WDR36: variants seen among roughly 807,000 people sequenced by gnomAD.
The protein encoded by WDR36 is WD repeat-containing protein 36.
In WDR36, 63 loss-of-function variants were observed where a neutral mutation model predicts 112.7. That is an observed-to-expected ratio of 0.56 (90% CI 0.46 to 0.69). WDR36 has a LOEUF of 0.69. Among genes scored for constraint, WDR36 ranks in the 30% least tolerant of loss-of-function variants. The pLI is 0.00. For missense variants in WDR36, 1,226 were observed against 1,070.3 expected (o/e 1.15, Z -2.03); for synonymous variants, 410 against 362.2 (o/e 1.13, Z -1.50).
In WDR36 at chr5:111,111,214, T is replaced by G; in HGVS notation, c.1652T>G (p.Leu551Arg). The G allele has an allele frequency of 6.2e-7, 1 of 1,611,940 alleles. No individual in the cohort carries two copies. The change falls in exon 15 of 23, where the codon CTG becomes CGG. Residue 551 changes from leucine to arginine, a missense_variant. Leu to Arg is a moderately radical substitution (Grantham distance 102, BLOSUM62 -2). Transcript: ENST00000513710. ...LALDDFSISV[L>R]DIETRKIVRE... ...TTGGATGACTTCTCCATTAGTGTTC[T>G]GGACATAGAAACTAGGAAGATTGTC...
At position 111,127,017 on chromosome 5, in the gene WDR36, A is replaced by C. The variant is rs1306613722; in HGVS notation, c.*134A>C. ...GACTAGTCAGTATATCTCCACTTTA[A>C]ATGCTAAATACTTTCTTGAAATAAA... On this transcript the variant is annotated 3_prime_UTR_variant, in exon 23 of 23. Transcript: ENST00000513710. The C allele has an allele frequency of 1.2e-6, 1 of 829,094 alleles. No homozygotes were observed. Among genetic ancestry groups the C allele is most frequent in the Non-Finnish European group, 1.8e-6 (1 of 549,752 alleles). The allele number at this position is 829,094 out of a possible 1,614,324, so 51.4% of individuals were successfully genotyped here. A position where few individuals can be genotyped will look rare whatever the true frequency, so the allele number is the denominator to read the frequency against.
At position 111,127,516 on chromosome 5, in the gene WDR36, T is replaced by A. The variant is rs1753698157; in HGVS notation, c.*633T>A. The A allele has an allele frequency of 4.8e-6, 1 of 209,326 alleles. No individual in the cohort carries two copies. Among genetic ancestry groups the A allele is most frequent in the East Asian group, 7.2e-5 (1 of 13,950 alleles). The allele number at this position is 209,326 out of a possible 1,614,324, so 13.0% of individuals were successfully genotyped here. A position where few individuals can be genotyped will look rare whatever the true frequency, so the allele number is the denominator to read the frequency against. ...AGAGTTGGAGGATAAACTAATCATC[T>A]TCTAGCACAGCCCTGTTGTGTTGCA... On this transcript the variant is annotated 3_prime_UTR_variant, in exon 23 of 23. Transcript: ENST00000513710.
intron 15 of WDR36, among the ~76,000 whole-genome samples, chr5:111,112,009 T>C (rs2112579730): frequency 1.3e-5 from 2 of 151,990 alleles, no homozygotes; most frequent in East Asian, 3.9e-4. Flanking sequence ...AATCAGAATT[T>C]ACTCCTTTCC....
rs1375830138 is a variant in WDR36, at chr5:111,110,963, T to C, written c.1607+10T>C. Reference sequence around the variant, plus strand: ...TGCTACATAGGGACAGGTAAACTTTTAATGATAATGGATTTTCTCTTTGAT... The same window carrying C: ...TGCTACATAGGGACAGGTAAACTTTCAATGATAATGGATTTTCTCTTTGAT... On this transcript the variant is annotated intron_variant, in intron 14 of 22. Transcript: ENST00000513710. The C allele has an allele frequency of 2.5e-6, 4 of 1,610,562 alleles. No homozygotes were observed. Among genetic ancestry groups the C allele is most frequent in the Non-Finnish European group, 3.4e-6 (4 of 1,177,816 alleles).
rs1208639592 is a variant in WDR36, at chr5:111,128,805, C to G, written c.*1922C>G. ...TATCTATATTTTCCTTAAAATATAT[C>G]AATCTGTGCACACTCTTTCAGTTTT... is the stretch of plus-strand genomic sequence containing the variant. On this transcript the variant is annotated 3_prime_UTR_variant, in exon 23 of 23. Coordinates refer to ENST00000513710, the MANE Select transcript of WDR36 (RefSeq NM_139281.3). 1.1e-5 allele frequency: 2 copies of G among 182,950 alleles called. No individual in the cohort carries two copies. Among genetic ancestry groups the G allele is most frequent in the African/African-American group, 4.7e-5 (2 of 42,386 alleles). The allele number at this position is 182,950 out of a possible 1,614,324, so 11.3% of individuals were successfully genotyped here. A position where few individuals can be genotyped will look rare whatever the true frequency, so the allele number is the denominator to read the frequency against.
chr5:111,126,917 T>G lies in WDR36; in HGVS notation c.*34T>G, dbSNP rs540767551. 4 of 1,541,858 alleles carry G rather than the reference T, an allele frequency of 2.6e-6. No homozygotes were observed. The highest frequency in any genetic ancestry group is 3.9e-5 in the Admixed American group (2 of 50,812). On this transcript the variant is annotated 3_prime_UTR_variant, in exon 23 of 23. Transcript: ENST00000513710. ...TTGTGACTAAACAAAGACTTTCATA[T>G]TAAATGGGTTCAATTGAACTCATTT...
chr5:111,104,659 A>G (rs1432370124), intron 8 of WDR36, 38 bp from the exon 9 acceptor site: 1 of 1,610,398 alleles, frequency 6.2e-7, no homozygotes, highest in Non-Finnish European at 8.5e-7. Context: ...GATCAGATGG[A>G]ACATTGTAGA....
Position 111,104,431 on chromosome 5 carries a change from A to G in WDR36, c.906+79A>G, listed in dbSNP as rs980345806. 9 of 1,574,630 alleles carry G rather than the reference A, an allele frequency of 5.7e-6. No homozygotes were observed. The East Asian group carries it at 6.7e-5, about 12-fold the overall frequency. On this transcript the variant is annotated intron_variant, in intron 8 of 22. Transcript: ENST00000513710. Reference sequence around the variant, plus strand: ...TATTACAAGCTTGTTTTAATGTATCAGCTTTCAACCTAGAAGATGAAAGGA... The same window carrying G: ...TATTACAAGCTTGTTTTAATGTATCGGCTTTCAACCTAGAAGATGAAAGGA...
chr5:111,097,172 A>T lies in WDR36; in HGVS notation c.284A>T (p.Asn95Ile). 6.2e-7 allele frequency: 1 copy of T among 1,612,766 alleles called. No individual in the cohort carries two copies. Reference protein sequence around the residue: ...YGNVFSAFARNKEIVHTFKGH... With the variant: ...YGNVFSAFARIKEIVHTFKGH... Reference sequence around the variant, plus strand: ...AATGTTTTCTCTGCATTTGCCCGTAATAAAGAGGTTGGTATCGCTAAACTA... The same window carrying T: ...AATGTTTTCTCTGCATTTGCCCGTATTAAAGAGGTTGGTATCGCTAAACTA... Residue 95 changes from asparagine to isoleucine, a missense_variant, in exon 3 of 23, where the codon AAT (asparagine) becomes ATT (isoleucine). Coordinates refer to ENST00000513710, the MANE Select transcript of WDR36 (RefSeq NM_139281.3).
intron 18 of WDR36, 43 bp from the exon 19 acceptor site, chr5:111,120,953 A>G: frequency 3.2e-6 from 5 of 1,540,422 alleles, no homozygotes; most frequent in South Asian, 1.1e-5. Flanking sequence ...AGTTGCTTTT[A>G]TATGATAAAA....
chr5:111,120,698 T>C (rs1753546522), intron 18 of WDR36, 105 bp downstream of exon 18: 1 of 955,456 alleles, frequency 1.0e-6, no homozygotes, highest in Non-Finnish European at 1.7e-6. Flanking sequence ...TCAAAGTGTT[T>C]TTTAACTGAT....
In WDR36 at chr5:111,126,684, G is replaced by A. The variant is rs182176262; in HGVS notation, c.2539-50G>A. The stretch of plus-strand genomic sequence containing the variant: ...GGTAGAAAAATTGAATCCAGATTAG[G>A]TAAAATTTTAATTTTCTTAAATGTT... On this transcript the variant is annotated intron_variant, in intron 22 of 22. Transcript: ENST00000513710. 4.8e-4 allele frequency: 768 copies of A among 1,593,874 alleles called. 3 individuals are homozygous for A. In the African/African-American group the frequency reaches 8.9e-3, roughly 19 times the overall value.
Position 111,129,777 on chromosome 5 carries a change from A to G in WDR36, c.*2894A>G. 5.0e-6 allele frequency: 1 copy of G among 201,926 alleles called. No individual in the cohort carries two copies. Among genetic ancestry groups the G allele is most frequent in the Non-Finnish European group, 1.0e-5 (1 of 98,228 alleles). The allele number at this position is 201,926 out of a possible 1,614,324, so 12.5% of individuals were successfully genotyped here. A position where few individuals can be genotyped will look rare whatever the true frequency, so the allele number is the denominator to read the frequency against. On this transcript the variant is annotated 3_prime_UTR_variant, in exon 23 of 23. Transcript: ENST00000513710. ...TTATTTTCTAAGACATTTACAGTGT[A>G]TGTTTTCCTATGTTTACATGTGCTC...
In WDR36 at chr5:111,098,792, C is replaced by T; in HGVS notation, c.362C>T (p.Ser121Phe). The part of the protein sequence containing the change: ...FLQPFGDHII[S>F]VDTDGILIIW... Reference sequence around the variant, plus strand: ...CAACCCTTTGGAGACCACATTATCTCTGTTGATACTGATGGCATTCTTATT... The same window carrying T: ...CAACCCTTTGGAGACCACATTATCTTTGTTGATACTGATGGCATTCTTATT... Residue 121 changes from serine to phenylalanine, a missense_variant, in exon 4 of 23, where the codon TCT becomes TTT. By Grantham distance (155) the Ser-to-Phe change is radical. Transcript: ENST00000513710. The T allele has an allele frequency of 6.2e-7, 1 of 1,612,718 alleles. No homozygotes were observed. Among genetic ancestry groups the T allele is most frequent in the Non-Finnish European group, 8.5e-7 (1 of 1,178,930 alleles).
At position 111,126,811 on chromosome 5, in the gene WDR36, CTG is replaced by C; in HGVS notation, c.2617_2618del (p.Trp873AspfsTer28). 1.9e-6 allele frequency: 3 copies of C among 1,613,716 alleles called. No individual in the cohort carries two copies. The highest frequency in any genetic ancestry group is 2.5e-6 in the Non-Finnish European group (3 of 1,179,806). Reference sequence around the variant, plus strand: ...ATTTGTCATCCCAGGTGGAAGAAAACTGGACCCATTTGCAATCACTCTTCAAT... The same window carrying C: ...ATTTGTCATCCCAGGTGGAAGAAAACGACCCATTTGCAATCACTCTTCAAT... ...TNLSSQVEENWTHLQSLFNQS... is the reference protein window; with the variant it reads ...TNLSSQVEENXTHLQSLFNQS... On this transcript the variant is annotated frameshift_variant, in exon 23 of 23. Transcript: ENST00000513710. LOFTEE classifies it high-confidence loss of function.
At chr5:111,093,131 C>G (rs989977776) in intron 1 of WDR36, among the ~76,000 whole-genome samples, 10 of 152,350 alleles carry the variant, frequency 6.6e-5, no homozygotes, top group African/African-American at 2.4e-4. Flanking sequence ...CACTGTCACT[C>G]TAAGCCTTGC....
intron 17 of WDR36, 132 bp downstream of exon 17, chr5:111,119,252 T>G (rs1196190644): frequency 5.3e-6 from 4 of 759,152 alleles, no homozygotes; most frequent in Non-Finnish European, 9.5e-6. Context: ...ACACAGATAC[T>G]TAATTCACTG....
intron 12 of WDR36, 106 bp downstream of exon 12, chr5:111,107,545 T>A: frequency 6.8e-7 from 1 of 1,461,008 alleles, no homozygotes; most frequent in Non-Finnish European, 9.3e-7. Context: ...AAACGTAGTT[T>A]AACATTTTAA....
chr5:111,115,483 C>T (rs907789260), intron 16 of WDR36, among the ~76,000 whole-genome samples: 8 of 151,920 alleles, frequency 5.3e-5, no homozygotes, highest in Admixed American at 2.0e-4. Context: ...AATGACAGAG[C>T]GCAAAATCAG....
Sources: allele counts gnomAD v4.1 joint callset (sites outside exome capture counted in the v4.1 genomes callset), GRCh38; gene constraint gnomAD v4.1.1; transcripts MANE v1.5; gene names NCBI Gene and HGNC (gene_info 2026-07-23, HGNC 2026-07-21).